The following UNC80 variants were observed in gnomAD, a reference collection of about 807,000 sequenced individuals.
The protein encoded by UNC80 is unc-80 subunit of NALCN channel complex, also known as protein unc-80 homolog.
In UNC80, 164 loss-of-function variants were observed where a neutral mutation model predicts 384.6. The ratio of observed to expected loss-of-function variants is 0.43; its 90% CI spans 0.38 to 0.49. The LOEUF (loss-of-function observed/expected upper bound fraction) is 0.49. Ranked by LOEUF, UNC80 falls within the 20% of genes least tolerant of loss-of-function variation. The pLI is 0.00. For synonymous variants in UNC80, 1,486 were observed against 1,527.8 expected (o/e 0.97, Z 0.64); for missense variants, 3,330 against 4,143.0 (o/e 0.80, Z 5.39).
chr2:209,940,795 C>T (rs1455156899), intron 43 of UNC80, among the ~76,000 whole-genome samples: 3 of 152,060 alleles, frequency 2.0e-5, no homozygotes, highest in East Asian at 1.9e-4. Context: ...CCAGACAGAA[C>T]GACAGAGCGA....
Position 209,872,347 on chromosome 2 carries a change from A to C in UNC80, c.3628-411A>C, listed in dbSNP as rs2124882076. 6.6e-6 allele frequency among the ~76,000 whole-genome samples: 1 copy of C among 152,354 alleles called. No individual in the cohort carries two copies. The highest frequency in any genetic ancestry group is 1.9e-4 in the East Asian group (1 of 5,190). On this transcript the variant is annotated intron_variant, in intron 22 of 64. Transcript: ENST00000673920. This position sits in a 1 kb window ranked among gnomAD's most constrained non-coding sequence, Gnocchi z 4.1. ...TCTTGGTTAAAATAAGACTGGTTCT[A>C]GAAATGGAATATTTGTTTGCTTCAT...
chr2:209,785,993 C>A, intron 4 of UNC80, 73 bp from the exon 5 acceptor site: 1 of 1,512,456 alleles, frequency 6.6e-7, no homozygotes, highest in South Asian at 1.3e-5. Context: ...GATGTTAATC[C>A]TTGCATTGAT....
intron 22 of UNC80, among the ~76,000 whole-genome samples, chr2:209,859,754 T>A (rs545726424): frequency 3.7e-4 from 57 of 152,226 alleles, no homozygotes; most frequent in Non-Finnish European, 6.8e-4. Context: ...TCTGATTGTG[T>A]TTCCGATTTG....
chr2:209,789,731 G>T (rs1183018406), intron 6 of UNC80, 126 bp downstream of exon 6: 3 of 627,808 alleles, frequency 4.8e-6, no homozygotes, highest in Non-Finnish European at 8.1e-6. Flanking sequence ...TTCTGAATGT[G>T]CAACTTTTAA....
At chr2:209,970,803 G>A (rs753714008) in intron 53 of UNC80, 29 bp from the exon 54 acceptor site, 2 of 1,548,748 alleles carry the variant, frequency 1.3e-6, no homozygotes, top group South Asian at 2.4e-5. Context: ...AATAGTCAAG[G>A]CTGGTCATGT....
In UNC80 at chr2:209,941,636, A is replaced by C; in HGVS notation, c.6915+147A>C. The stretch of plus-strand genomic sequence containing the variant: ...AGAAGGCAACAAATGAAATCCCCCC[A>C]TAAATTTGCAAGAGTTCACAATGTT... On this transcript the variant is annotated intron_variant, in intron 44 of 64. Coordinates refer to ENST00000673920, the MANE Select transcript of UNC80 (RefSeq NM_001371986.1). 7 of 995,038 alleles carry C rather than the reference A, an allele frequency of 7.0e-6. No homozygotes were observed. The South Asian group carries it at 1.9e-4, about 27-fold the overall frequency. The allele number at this position is 995,038 out of a possible 1,614,324, so 61.6% of individuals were successfully genotyped here. A position where few individuals can be genotyped will look rare whatever the true frequency, so the allele number is the denominator to read the frequency against.
intron 22 of UNC80, among the ~76,000 whole-genome samples, chr2:209,861,916 T>C (rs1205393870): frequency 6.6e-6 from 1 of 152,182 alleles, no homozygotes; most frequent in Admixed American, 6.5e-5. Flanking sequence ...TATTTGATTC[T>C]TCTCTCTCTT....
At chr2:209,824,718 A>G (rs1380024389) in intron 13 of UNC80, among the ~76,000 whole-genome samples, 1 of 152,136 alleles carries the variant, frequency 6.6e-6, no homozygotes, top group Non-Finnish European at 1.5e-5. Flanking sequence ...GCTTACAGAT[A>G]AGAAAAGGGG....
At position 209,829,713 on chromosome 2, in the gene UNC80, A is replaced by G. The variant is rs189545962; in HGVS notation, c.2626+334A>G. ...CATTCTGTTATATGACCTCTGAGGCAGTGATCATGTTCATTAGTTCAACGG... is the reference window on the plus strand; with the variant it reads ...CATTCTGTTATATGACCTCTGAGGCGGTGATCATGTTCATTAGTTCAACGG... On this transcript the variant is annotated intron_variant, in intron 15 of 64. Transcript: ENST00000673920. 2.8e-4 allele frequency among the ~76,000 whole-genome samples: 43 copies of G among 152,244 alleles called. 1 individual carries two copies. The East Asian group carries it at 7.5e-3, about 27-fold the overall frequency.
At chr2:209,985,887 T>G (rs1479347359) in intron 61 of UNC80, among the ~76,000 whole-genome samples, 1 of 152,252 alleles carries the variant, frequency 6.6e-6, no homozygotes, top group Non-Finnish European at 1.5e-5. Flanking sequence ...TCTTTGCATC[T>G]TGTTCAGATT....
At chr2:209,836,594 A>G (rs2081352096) in intron 18 of UNC80, among the ~76,000 whole-genome samples, 2 of 152,194 alleles carry the variant, frequency 1.3e-5, no homozygotes, top group African/African-American at 2.4e-5. Context: ...CCTCTACATA[A>G]ATATTTCCAC....
intron 13 of UNC80, among the ~76,000 whole-genome samples, chr2:209,823,104 T>C (rs2080257318): frequency 6.6e-6 from 1 of 152,164 alleles, no homozygotes; most frequent in African/African-American, 2.4e-5. Flanking sequence ...AGCATAGGAA[T>C]TGATTAAGAT....
intron 34 of UNC80, 87 bp from the exon 35 acceptor site, chr2:209,922,165 G>A (rs1163967012): frequency 1.4e-6 from 2 of 1,418,284 alleles, no homozygotes; most frequent in African/African-American, 1.4e-5. Flanking sequence ...TCTGAGAGCA[G>A]TATGCATTTG....
chr2:209,930,823 A>G (rs1046158454), intron 37 of UNC80, 145 bp from the exon 38 acceptor site: 1 of 591,530 alleles, frequency 1.7e-6, no homozygotes, highest in African/African-American at 1.9e-5. Context: ...CATATACTAT[A>G]TTAAAATGTT....
intron 26 of UNC80, among the ~76,000 whole-genome samples, chr2:209,890,878 G>A (rs189832187): frequency 6.6e-6 from 1 of 152,288 alleles, no homozygotes; most frequent in East Asian, 1.9e-4. Context: ...ATGAACTAAA[G>A]ATTGCAAAGT....
In UNC80 at chr2:209,885,517, A is replaced by C. The variant is rs116388263; in HGVS notation, c.4111-2578A>C. On this transcript the variant is annotated intron_variant, in intron 25 of 64. Coordinates refer to ENST00000673920, the MANE Select transcript of UNC80 (RefSeq NM_001371986.1). ...TGATTGCTTCTTATCCCAACTAAGAAATTTCCCTCATTAGATTTGGCTACC... is the reference window on the plus strand; with the variant it reads ...TGATTGCTTCTTATCCCAACTAAGACATTTCCCTCATTAGATTTGGCTACC... Among the ~76,000 whole-genome samples, 1,482 of 152,296 alleles carry C rather than the reference A, an allele frequency of 9.7e-3. 30 individuals are homozygous for C. Among genetic ancestry groups the C allele is most frequent in the African/African-American group, 0.033 (1,376 of 41,562 alleles).
chr2:209,837,943 T>C (rs2081448527), intron 18 of UNC80, among the ~76,000 whole-genome samples: 1 of 152,056 alleles, frequency 6.6e-6, no homozygotes, highest in South Asian at 2.1e-4. Flanking sequence ...TGCTAATTTT[T>C]TGTATTTTTA....
intron 13 of UNC80, 72 bp downstream of exon 13, chr2:209,820,751 C>T: frequency 6.9e-7 from 1 of 1,450,898 alleles, no homozygotes; most frequent in Non-Finnish European, 9.1e-7. Context: ...TGCTTGCCAG[C>T]AGTTTATTGA....
chr2:209,847,073 T>C (rs2082223020), intron 21 of UNC80, among the ~76,000 whole-genome samples: 1 of 152,094 alleles, frequency 6.6e-6, no homozygotes. Flanking sequence ...AGTGCAGGTT[T>C]GTGCACTCTC....
Sources: gnomAD v4.1 joint callset for allele counts (sites outside exome capture counted in the v4.1 genomes callset) on GRCh38, gnomAD v4.1.1 for gene constraint, Gnocchi (gnomAD v3.1) non-coding constraint, MANE v1.5 for transcripts, NCBI Gene and HGNC (gene_info 2026-07-23, HGNC 2026-07-21) for gene names.